Variants in GPR85 observed in about 807,000 individuals in gnomAD.
The protein encoded by GPR85 is probable G protein-coupled receptor 85.
Under a neutral mutation model 21.3 loss-of-function variants are expected in GPR85, and 7 were observed. The observed-to-expected ratio is 0.33, with a 90% confidence interval of 0.19 to 0.62. The LOEUF (loss-of-function observed/expected upper bound fraction) is 0.62. Ranked by LOEUF, GPR85 falls within the 20% of genes least tolerant of loss-of-function variation. The pLI, the probability that GPR85 is intolerant of heterozygous loss-of-function variation, is 0.80. For synonymous variants in GPR85, 167 were observed against 166.1 expected (o/e 1.01, Z -0.04); for missense variants, 299 against 443.8 (o/e 0.67, Z 2.93).
rs1326311208 is a variant in GPR85 at position 113,084,154 on chromosome 7, G to A, written c.568C>T (p.Leu190Phe). The stretch of plus-strand genomic sequence containing the variant: ...GTGGCTAGGAGGATGAGAGCAAGAA[G>A]CAGCATAAATCCTAAGGAATCATTA... ...RANDSLGFMLLLALILLATQL... is the reference protein window; with the variant it reads ...RANDSLGFMLFLALILLATQL... The change falls in exon 3 of 3, where the codon CTT becomes TTT. Residue 190 changes from leucine (L) to phenylalanine (F), a missense_variant. This residue lies in a region of GPR85 where 198 missense variants were observed against 335.4 expected (regional missense o/e 0.59). Transcript: ENST00000424100. 20 of 1,614,116 alleles carry A rather than the reference G, an allele frequency of 1.2e-5. No homozygotes were observed. Among genetic ancestry groups the A allele is most frequent in the Non-Finnish European group, 1.6e-5 (19 of 1,179,984 alleles).
chr7:113,084,113 G>C lies in GPR85; in HGVS notation c.609C>G (p.Leu203=), dbSNP rs1032173836. 6.2e-6 allele frequency: 10 copies of C among 1,614,152 alleles called. No individual in the cohort carries two copies. Among genetic ancestry groups the C allele is most frequent in the Non-Finnish European group, 7.6e-6 (9 of 1,180,036 alleles). Reference sequence around the variant, plus strand: ...GATCGTGGACGAAAAATATCAGCTTGAGGTAGACAAGCTGTGTGGCTAGGA... The same window carrying C: ...GATCGTGGACGAAAAATATCAGCTTCAGGTAGACAAGCTGTGTGGCTAGGA... ...LILLATQLVY[L]KLIFFVHDRR... is the part of the protein sequence containing the mutation. The change falls in exon 3 of 3, where the codon CTC becomes CTG. Residue 203 remains leucine (L), a synonymous_variant. Transcript: ENST00000424100.
chr7:113,086,431 T>TTTTTTTTG lies in GPR85; in HGVS notation c.-399_-398insCAAAAAAA, dbSNP rs1794302175. ...TTTTTTTTTTTGTTTTTTGTTTTTT[T>TTTTTTTTG]TTTTTTTTTTTTTGCCTTAGTGCCT... On this transcript the variant is annotated 5_prime_UTR_variant, in exon 1 of 3. The change abolishes the stop of an existing upstream ORF in the 5' untranslated region. Coordinates refer to ENST00000424100, the MANE Select transcript of GPR85 (RefSeq NM_001146267.2). 1.8e-5 allele frequency: 2 copies of TTTTTTTTG among 108,238 alleles called. No homozygotes were observed. Among genetic ancestry groups the TTTTTTTTG allele is most frequent in the African/African-American group, 3.6e-5 (1 of 27,652 alleles). The allele number at this position is 108,238 out of a possible 1,614,324, so 6.7% of individuals were successfully genotyped here.
chr7:113,084,848 G>T lies in GPR85; in HGVS notation c.-127C>A. 1 of 479,060 alleles carries T rather than the reference G, an allele frequency of 2.1e-6. No homozygotes were observed. Among genetic ancestry groups the T allele is most frequent in the Non-Finnish European group, 3.6e-6 (1 of 275,004 alleles). The allele number at this position is 479,060 out of a possible 1,614,324, so 29.7% of individuals were successfully genotyped here. ...ACAAAGAGAACTGATCTGATCTGCAGTCATGCTTCCTCTTTTCTTCCACTT... is the reference window on the plus strand; with the variant it reads ...ACAAAGAGAACTGATCTGATCTGCATTCATGCTTCCTCTTTTCTTCCACTT... On this transcript the variant is annotated 5_prime_UTR_variant, in exon 3 of 3. The change creates a new upstream start codon in the 5' untranslated region. Coordinates refer to ENST00000424100, the MANE Select transcript of GPR85 (RefSeq NM_001146267.2).
At position 113,085,981 on chromosome 7, in the gene GPR85, G is replaced by GCATTA. The variant is rs1794263404; in HGVS notation, c.-171+6_-171+10dup. The GCATTA allele has an allele frequency of 6.6e-6, 1 of 152,600 alleles. No individual in the cohort carries two copies. The highest frequency in any genetic ancestry group is 2.4e-5 in the African/African-American group (1 of 41,392). 9.5% of individuals were successfully genotyped at this position (152,600 alleles called of 1,614,324 possible). On this transcript the variant is annotated intron_variant, in intron 2 of 2. Coordinates refer to ENST00000424100, the MANE Select transcript of GPR85 (RefSeq NM_001146267.2). ...AGGAGGGGGAGAGGGAGAGAGACAT[G>GCATTA]CATTACATACGCGAAGATGGGGAGA...
chr7:113,083,729 T>C lies in GPR85; in HGVS notation c.993A>G (p.Gln331=). The part of the protein sequence containing the change: ...LTAAVWMSFA[Q]AGINPFVCIF... ...TGCAGACAAAAGGATTGATTCCTGCTTGGGCAAAACTCATCCAGACAGCAG... is the reference window on the plus strand; with the variant it reads ...TGCAGACAAAAGGATTGATTCCTGCCTGGGCAAAACTCATCCAGACAGCAG... The change falls in exon 3 of 3, where the codon CAA becomes CAG. Residue 331 remains glutamine, a synonymous_variant. Transcript: ENST00000424100. The surrounding 1 kb of genome is among the most constrained non-coding windows in gnomAD (Gnocchi z 4.4). 2 of 1,614,204 alleles carry C rather than the reference T, an allele frequency of 1.2e-6. No individual in the cohort carries two copies. The highest frequency in any genetic ancestry group is 1.7e-6 in the Non-Finnish European group (2 of 1,180,036).
upstream of GPR85, among the ~76,000 whole-genome samples, chr7:113,086,960 GTC>G (rs1487023112): frequency 1.3e-5 from 2 of 151,154 alleles, no homozygotes; most frequent in African/African-American, 4.9e-5. Context: ...TTTAAGTGAT[GTC>G]TCCAGCTAAC....
chr7:113,083,953 G>T lies in GPR85; in HGVS notation c.769C>A (p.Leu257Met), dbSNP rs1187373838. 6.2e-7 allele frequency: 1 copy of T among 1,614,216 alleles called. No homozygotes were observed. The change falls in exon 3 of 3, where the codon CTG (leucine) becomes ATG (methionine). Residue 257 changes from leucine (L) to methionine (M), a missense_variant. Leu to Met is a conservative substitution (Grantham distance 15). Coordinates refer to ENST00000424100, the MANE Select transcript of GPR85 (RefSeq NM_001146267.2). The surrounding 1 kb of genome is among the most constrained non-coding windows in gnomAD (Gnocchi z 4.4). ...GTGTTTGCATTTTGCCTGATGCCCA[G>T]CAAGGTGGGTGGTGTGGGACCCCTT... ...FGRGPTPPTL[L>M]GIRQNANTTG... is the part of the protein sequence containing the mutation.
At chr7:113,085,217 A>G (rs1312921008) in intron 2 of GPR85, among the ~76,000 whole-genome samples, 2 of 152,168 alleles carry the variant, frequency 1.3e-5, no homozygotes, top group African/African-American at 4.8e-5. Context: ...AATCTACAAG[A>G]TTGCTATTAG....
chr7:113,084,704 A>C lies in GPR85; in HGVS notation c.18T>G (p.His6Gln). The change falls in exon 3 of 3, where the codon CAT (histidine) becomes CAG (glutamine). Residue 6 changes from histidine to glutamine, a missense_variant. Around this residue, in one of 2 missense-constraint regions of GPR85, gnomAD observed 101 missense variants for 108.4 expected, o/e 0.93. Transcript: ENST00000424100. ...GATTTTGCAAAATGTTGTCAGCTGC[A>C]TGGCTATAGTTCGCCATAGATGGAT... is the stretch of plus-strand genomic sequence containing the variant. MANYS[H>Q]AADNILQNLS... The C allele has an allele frequency of 1.9e-6, 3 of 1,612,878 alleles. No homozygotes were observed. Among genetic ancestry groups the C allele is most frequent in the Non-Finnish European group, 2.5e-6 (3 of 1,179,218 alleles).
At chr7:113,087,435 C>T (rs2115791292), upstream of GPR85, 1 of 154,474 alleles carries the variant, frequency 6.5e-6, no homozygotes, top group East Asian at 1.9e-4. Context: ...ATACGTAAAA[C>T]TTACACCAGT....
In GPR85 at chr7:113,084,858, C is replaced by A. The variant is rs1387813369; in HGVS notation, c.-137G>T. 6.2e-6 allele frequency: 3 copies of A among 480,760 alleles called. No homozygotes were observed. Among genetic ancestry groups the A allele is most frequent in the Admixed American group, 7.9e-5 (2 of 25,370 alleles). The allele number at this position is 480,760 out of a possible 1,614,324, so 29.8% of individuals were successfully genotyped here. ...CTGATCTGATCTGCAGTCATGCTTCCTCTTTTCTTCCACTTGTTTTGCCAT... is the reference window on the plus strand; with the variant it reads ...CTGATCTGATCTGCAGTCATGCTTCATCTTTTCTTCCACTTGTTTTGCCAT... On this transcript the variant is annotated 5_prime_UTR_variant, in exon 3 of 3. In the 5' UTR this introduces an upstream ATG that the reference lacks. Coordinates refer to ENST00000424100, the MANE Select transcript of GPR85 (RefSeq NM_001146267.2).
At position 113,084,894 on chromosome 7, in the gene GPR85, G is replaced by GAAAAA. The variant is rs35953390; in HGVS notation, c.-170-8_-170-4dup. 6 of 210,176 alleles carry GAAAAA rather than the reference G, an allele frequency of 2.9e-5. No homozygotes were observed. The East Asian group carries it at 3.5e-4, about 12-fold the overall frequency. 13.0% of individuals were successfully genotyped at this position (210,176 alleles called of 1,614,324 possible). On this transcript the variant is annotated splice_region_variant and splice_polypyrimidine_tract_variant and intron_variant, in intron 2 of 2. Coordinates refer to ENST00000424100, the MANE Select transcript of GPR85 (RefSeq NM_001146267.2). ...CACTTGTTTTGCCATCAGAATATCTGAAAAAAAAAAAAAAAAAAACCTATC... is the reference window on the plus strand; with the variant it reads ...CACTTGTTTTGCCATCAGAATATCTGAAAAAAAAAAAAAAAAAAAAAAAACCTATC...
rs765027353 is a variant in GPR85, at chr7:113,083,805, T to C, written c.917A>G (p.Tyr306Cys). 34 of 1,614,052 alleles carry C rather than the reference T, an allele frequency of 2.1e-5. No homozygotes were observed. The highest frequency in any genetic ancestry group is 2.7e-5 in the Non-Finnish European group (32 of 1,180,018). Residue 306 changes from tyrosine (Y) to cysteine (C), a missense_variant, in exon 3 of 3, where the codon TAT becomes TGT. This residue lies in a region of GPR85 where 198 missense variants were observed against 335.4 expected (regional missense o/e 0.59). Transcript: ENST00000424100. This position sits in a 1 kb window ranked among gnomAD's most constrained non-coding sequence, Gnocchi z 4.4. ...TLWGPYLVACYWRVFARGPVV... is the reference protein window; with the variant it reads ...TLWGPYLVACCWRVFARGPVV... ...AGGCCCTCTTGCAAAAACTCTCCAA[T>C]AACAGGCCACCAGGTAGGGGCCCCA...
At chr7:113,085,601 G>A (rs939635849) in intron 2 of GPR85, among the ~76,000 whole-genome samples, 3 of 152,142 alleles carry the variant, frequency 2.0e-5, no homozygotes, top group African/African-American at 7.2e-5. Flanking sequence ...TTGGCTGCCT[G>A]GATTCAAATG....
rs1199564110 is a variant in GPR85 at position 113,086,713 on chromosome 7, T to C, written c.-680A>G. Among the ~76,000 whole-genome samples the C allele has an allele frequency of 6.6e-6, 1 of 152,058 alleles. No individual in the cohort carries two copies. The highest frequency in any genetic ancestry group is 1.5e-5 in the Non-Finnish European group (1 of 68,012). On this transcript the variant is annotated 5_prime_UTR_variant, in exon 1 of 3. Coordinates refer to ENST00000424100, the MANE Select transcript of GPR85 (RefSeq NM_001146267.2). ...TCCAACTGGCAGCATTAAGCTTTTG[T>C]CCCTTCGTGGCTGCTTCTGAACTTT...
In GPR85 at chr7:113,086,396, C is replaced by CTTTTTTTTTTTTTTTTTGTTTTTTT. The variant is rs1794283401; in HGVS notation, c.-364_-363insAAAAAAACAAAAAAAAAAAAAAAAA. Reference sequence around the variant, plus strand: ...CTGATTTTTTTCTTTTTTTCTTTTTCTTTTTTTTTTTTTTTTTTTTGTTTT... The same window carrying CTTTTTTTTTTTTTTTTTGTTTTTTT: ...CTGATTTTTTTCTTTTTTTCTTTTTCTTTTTTTTTTTTTTTTTGTTTTTTTTTTTTTTTTTTTTTTTTTTTGTTTT... On this transcript the variant is annotated 5_prime_UTR_variant, in exon 1 of 3. An upstream open reading frame in the 5' UTR loses its in-frame stop. Transcript: ENST00000424100. 2.1e-5 allele frequency: 1 copy of CTTTTTTTTTTTTTTTTTGTTTTTTT among 48,066 alleles called. No individual in the cohort carries two copies. The allele number at this position is 48,066 out of a possible 1,614,324, so 3.0% of individuals were successfully genotyped here.
upstream of GPR85, chr7:113,087,347 A>T (rs746164117): frequency 1.9e-5 from 3 of 154,386 alleles, no homozygotes; most frequent in Non-Finnish European, 4.4e-5. Context: ...ATGATGGGTG[A>T]TGTCAAAGCA....
chr7:113,086,382 CTTT>C lies in GPR85; in HGVS notation c.-352_-350del, dbSNP rs1344514443. ...CTTTCTATAAATTGCTGATTTTTTT[CTTT>C]TTTTCTTTTTCTTTTTTTTTTTTTT... On this transcript the variant is annotated 5_prime_UTR_variant, in exon 1 of 3. Coordinates refer to ENST00000424100, the MANE Select transcript of GPR85 (RefSeq NM_001146267.2). 3.1e-5 allele frequency: 1 copy of C among 32,130 alleles called. No individual in the cohort carries two copies. The highest frequency in any genetic ancestry group is 6.7e-5 in the Non-Finnish European group (1 of 14,998). 2.0% of individuals were successfully genotyped at this position (32,130 alleles called of 1,614,324 possible). A position where few individuals can be genotyped will look rare whatever the true frequency, so the allele number is the denominator to read the frequency against.
rs1794296698 is a variant in GPR85 at position 113,086,417 on chromosome 7, GTTTTTTGTTTTT to G, written c.-396_-385del. 1.1e-4 allele frequency: 7 copies of G among 66,650 alleles called. No homozygotes were observed. Among genetic ancestry groups the G allele is most frequent in the Non-Finnish European group, 1.8e-4 (7 of 38,232 alleles). The allele number at this position is 66,650 out of a possible 1,614,324, so 4.1% of individuals were successfully genotyped here. A position where few individuals can be genotyped will look rare whatever the true frequency, so the allele number is the denominator to read the frequency against. The stretch of plus-strand genomic sequence containing the variant: ...TTTTCTTTTTTTTTTTTTTTTTTTT[GTTTTTTGTTTTT>G]TTTTTTTTTTTTTTTGCCTTAGTGC... On this transcript the variant is annotated 5_prime_UTR_variant, in exon 1 of 3. Coordinates refer to ENST00000424100, the MANE Select transcript of GPR85 (RefSeq NM_001146267.2).
Sources: gnomAD v4.1 joint callset for allele counts (sites outside exome capture counted in the v4.1 genomes callset) on GRCh38, gnomAD v4.1.1 for gene constraint, gnomAD v4.1.1 regional missense constraint, Gnocchi (gnomAD v3.1) non-coding constraint, MANE v1.5 for transcripts, NCBI Gene and HGNC (gene_info 2026-07-23, HGNC 2026-07-21) for gene names.